AGAP1: variants seen among roughly 807,000 people sequenced by gnomAD.
AGAP1 encodes ArfGAP with GTPase domain, ankyrin repeat and PH domain 1.
AGAP1 carries 29 observed loss-of-function variants against 105.3 expected under a neutral mutation model. The observed-to-expected ratio is 0.28, with a 90% CI of 0.21 to 0.38. The LOEUF is 0.38. Among genes scored for constraint, AGAP1 ranks in the 10% least tolerant of loss-of-function variants. AGAP1 has a pLI of 1.00. For missense variants in AGAP1, 998 were observed against 1,165.1 expected, an observed-to-expected ratio of 0.86 and a Z score of 2.09; for synonymous variants, 509 against 485.9, an observed-to-expected ratio of 1.05 and a Z score of -0.63.
In AGAP1 at chr2:236,090,511, C is replaced by G. The variant is rs987366086; in HGVS notation, c.2115-29681C>G. Among the ~76,000 whole-genome samples the G allele has an allele frequency of 6.6e-6, 1 of 152,136 alleles. No individual in the cohort carries two copies. The highest frequency in any genetic ancestry group is 1.5e-5 in the Non-Finnish European group (1 of 68,032). On this transcript the variant is annotated intron_variant, in intron 16 of 17. Coordinates refer to ENST00000304032, the MANE Select transcript of AGAP1 (RefSeq NM_001037131.3). This position sits in a 1 kb window ranked among gnomAD's most constrained non-coding sequence, Gnocchi z 4.3. ...AGACTGTGAAGGGAGGGAACAGAGGCATGGAAAAGCAAACGGGCTTTGCCA... is the reference window on the plus strand; with the variant it reads ...AGACTGTGAAGGGAGGGAACAGAGGGATGGAAAAGCAAACGGGCTTTGCCA...
rs1313586334 is a variant in AGAP1 at position 236,101,915 on chromosome 2, A to T, written c.2115-18277A>T. 6.6e-6 allele frequency among the ~76,000 whole-genome samples: 1 copy of T among 152,220 alleles called. No individual in the cohort carries two copies. The highest frequency in any genetic ancestry group is 1.9e-4 in the East Asian group (1 of 5,182). On this transcript the variant is annotated intron_variant, in intron 16 of 17. Coordinates refer to ENST00000304032, the MANE Select transcript of AGAP1 (RefSeq NM_001037131.3). The surrounding 1 kb of genome is among the most constrained non-coding windows in gnomAD (Gnocchi z 4.9). Reference sequence around the variant, plus strand: ...AACTTCCATTCTGTGTGTGACTAGCATGGCTTAGCTATGTTTCTGTGCAAA... The same window carrying T: ...AACTTCCATTCTGTGTGTGACTAGCTTGGCTTAGCTATGTTTCTGTGCAAA...
At position 236,002,427 on chromosome 2, in the gene AGAP1, A is replaced by G. The variant is rs567301539; in HGVS notation, c.1645+33804A>G. On this transcript the variant is annotated intron_variant, in intron 13 of 17. Coordinates refer to ENST00000304032, the MANE Select transcript of AGAP1 (RefSeq NM_001037131.3). The surrounding 1 kb of genome is among the most constrained non-coding windows in gnomAD (Gnocchi z 4.3). ...AGTATCTGATTGCACGCATGTGCAC[A>G]TGTGTGAGTAGGGGAGAGGCTGTGT... 3.0e-4 allele frequency among the ~76,000 whole-genome samples: 45 copies of G among 152,262 alleles called. No individual in the cohort carries two copies. The highest frequency in any genetic ancestry group is 1.0e-3 in the African/African-American group (43 of 41,562).
At chr2:235,730,529 T>G (rs1432902615) in intron 3 of AGAP1, among the ~76,000 whole-genome samples, 1 of 148,992 alleles carries the variant, frequency 6.7e-6, no homozygotes, top group African/African-American at 2.5e-5. Flanking sequence ...TCACCTGGGC[T>G]GGAGTGCAGT....
At chr2:235,782,054 G>A (rs777836955) in intron 6 of AGAP1, among the ~76,000 whole-genome samples, 18 of 152,176 alleles carry the variant, frequency 1.2e-4, no homozygotes, top group Non-Finnish European at 2.4e-4. Context: ...AGTTTAACTG[G>A]ACAGCAGGAC....
intron 6 of AGAP1, among the ~76,000 whole-genome samples, chr2:235,758,555 C>G (rs1954130685): frequency 6.6e-6 from 1 of 152,152 alleles, no homozygotes. Context: ...ATTTCTAAGA[C>G]TTCCTGGGAC....
intron 9 of AGAP1, among the ~76,000 whole-genome samples, chr2:235,825,374 A>C (rs918766183): frequency 1.3e-5 from 2 of 152,186 alleles, no homozygotes. Flanking sequence ...AACATTTTTA[A>C]TATCTTGTTG....
chr2:235,746,377 CTTTTTTTTTTTTTTTTTTT>C (rs1172393048), intron 5 of AGAP1, among the ~76,000 whole-genome samples: 1,077 of 55,646 alleles, frequency 0.019, 43 homozygotes, highest in Middle Eastern at 0.11. Flanking sequence ...CCTCCCCCAA[CTTTTTTTTTTTTTTTTTTT>C]TTTTTTTTTT....
chr2:235,556,174 C>T lies in AGAP1; in HGVS notation c.163+61325C>T, dbSNP rs1186627945. 6.6e-6 allele frequency among the ~76,000 whole-genome samples: 1 copy of T among 152,024 alleles called. No homozygotes were observed. The highest frequency in any genetic ancestry group is 1.5e-5 in the Non-Finnish European group (1 of 67,970). On this transcript the variant is annotated intron_variant, in intron 1 of 17. Transcript: ENST00000304032. The surrounding 1 kb of genome is among the most constrained non-coding windows in gnomAD (Gnocchi z 5.3). ...AGCCAGCCTGGTGGACCGTGGCCTG[C>T]ACACCTGCAGCAGCTCCTCAGAGCT...
rs1168070009 is a variant in AGAP1 at position 235,866,374 on chromosome 2, GAGGT to G, written c.1051-16969_1051-16966del. ...TGTGTGATCGGGGTGTTCTGGACTT[GAGGT>G]ACCTGGTAGATACTCGGGGGAGTGT... On this transcript the variant is annotated intron_variant, in intron 9 of 17. Transcript: ENST00000304032. This position sits in a 1 kb window ranked among gnomAD's most constrained non-coding sequence, Gnocchi z 6.1. Among the ~76,000 whole-genome samples, 1 of 152,138 alleles carries G rather than the reference GAGGT, an allele frequency of 6.6e-6. No individual in the cohort carries two copies. The highest frequency in any genetic ancestry group is 1.5e-5 in the Non-Finnish European group (1 of 68,028).
At chr2:235,573,001 T>C (rs1350504754) in intron 1 of AGAP1, among the ~76,000 whole-genome samples, 1 of 24,336 alleles carries the variant, frequency 4.1e-5, no homozygotes, top group African/African-American at 1.9e-4. Flanking sequence ...CTTCTTCTTC[T>C]TCTTCTTCTT....
chr2:236,063,848 C>G (rs894204724), intron 16 of AGAP1, among the ~76,000 whole-genome samples: 5 of 152,216 alleles, frequency 3.3e-5, no homozygotes, highest in Non-Finnish European at 7.3e-5. Flanking sequence ...ATAACTGATA[C>G]AAAATTTCAT....
chr2:235,933,685 A>G (rs2052841368), intron 12 of AGAP1, among the ~76,000 whole-genome samples: 1 of 151,884 alleles, frequency 6.6e-6, no homozygotes, highest in South Asian at 2.1e-4. Context: ...GGCACGCGCC[A>G]CCGTGCCCGG....
intron 12 of AGAP1, among the ~76,000 whole-genome samples, chr2:235,945,127 G>A (rs570327724): frequency 6.6e-6 from 1 of 152,274 alleles, no homozygotes; most frequent in Non-Finnish European, 1.5e-5. Context: ...TTGAGACGGA[G>A]TCTCGCTCTT....
At chr2:235,837,968 A>AG (rs1960361821) in intron 9 of AGAP1, among the ~76,000 whole-genome samples, 1 of 152,206 alleles carries the variant, frequency 6.6e-6, no homozygotes, top group Non-Finnish European at 1.5e-5. Context: ...AGATCACCTG[A>AG]GGTCAGGAGT....
intron 1 of AGAP1, among the ~76,000 whole-genome samples, chr2:235,504,137 C>A (rs949605668): frequency 1.3e-5 from 2 of 151,934 alleles, no homozygotes; most frequent in African/African-American, 4.8e-5. Flanking sequence ...CCACCACGCC[C>A]AGCCTCGAAC....
intron 8 of AGAP1, among the ~76,000 whole-genome samples, chr2:235,802,490 T>A (rs1957540558): frequency 6.6e-6 from 1 of 152,106 alleles, no homozygotes; most frequent in Non-Finnish European, 1.5e-5. Flanking sequence ...ATGGCATTAG[T>A]GGGAATAGAA....
At position 235,740,023 on chromosome 2, in the gene AGAP1, C is replaced by T. The variant is rs531586886; in HGVS notation, c.311-940C>T. Among the ~76,000 whole-genome samples the T allele has an allele frequency of 6.6e-6, 1 of 152,306 alleles. No individual in the cohort carries two copies. The highest frequency in any genetic ancestry group is 1.5e-5 in the Non-Finnish European group (1 of 68,022). ...ACAAGAGCTGGGAACCGATGCGTGC[C>T]TTCCCTCTTTAAAACAAGAGTTTCG... is the stretch of plus-strand genomic sequence containing the variant. On this transcript the variant is annotated intron_variant, in intron 3 of 17. Coordinates refer to ENST00000304032, the MANE Select transcript of AGAP1 (RefSeq NM_001037131.3). This position sits in a 1 kb window ranked among gnomAD's most constrained non-coding sequence, Gnocchi z 5.7.
chr2:235,784,597 G>T (rs200031343), intron 6 of AGAP1, among the ~76,000 whole-genome samples: 1 of 35,562 alleles, frequency 2.8e-5, no homozygotes, highest in Non-Finnish European at 6.5e-5. Flanking sequence ...TCTTATTAAA[G>T]CAAAAAAAAA....
At position 236,009,047 on chromosome 2, in the gene AGAP1, A is replaced by G. The variant is rs1006403380; in HGVS notation, c.1646-27514A>G. Among the ~76,000 whole-genome samples the G allele has an allele frequency of 2.6e-5, 4 of 152,152 alleles. No individual in the cohort carries two copies. The highest frequency in any genetic ancestry group is 5.9e-5 in the Non-Finnish European group (4 of 68,010). ...TTTAATCCCTTCAAAGGCCCTTTGA[A>G]CTGATGTTTCAACATGACTCCTTCT... On this transcript the variant is annotated intron_variant, in intron 13 of 17. Transcript: ENST00000304032. This position sits in a 1 kb window ranked among gnomAD's most constrained non-coding sequence, Gnocchi z 4.2.
Sources: allele counts gnomAD v4.1 joint callset (sites outside exome capture counted in the v4.1 genomes callset), GRCh38; gene constraint gnomAD v4.1.1; non-coding constraint Gnocchi (gnomAD v3.1); transcripts MANE v1.5; gene names NCBI Gene and HGNC (gene_info 2026-07-23, HGNC 2026-07-21).